Variants in MVB12B observed in about 807,000 individuals in gnomAD.
MVB12B encodes ESCRT-I complex subunit MVB12B.
In MVB12B, 16 loss-of-function variants were observed where a neutral mutation model predicts 41.6. The ratio of observed to expected loss-of-function variants is 0.38; its 90% CI spans 0.26 to 0.58. The LOEUF is 0.58. Among genes scored for constraint, MVB12B ranks in the 20% least tolerant of loss-of-function variants. The probability of loss-of-function intolerance (pLI) is 0.62; values close to 1 mark genes in which losing one functional copy is unlikely to be tolerated. For missense variants in MVB12B, 274 were observed against 380.2 expected, an observed-to-expected ratio of 0.72 and a Z score of 2.32; for synonymous variants, 133 against 139.7, an observed-to-expected ratio of 0.95 and a Z score of 0.34.
At position 126,459,054 on chromosome 9, in the gene MVB12B, G is replaced by A. The variant is rs1355786046; in HGVS notation, c.758-22315G>A. ...TAGATTCAGATGACCAAGGATCTCT[G>A]AGGGTTCCTTTCATCCTGCAAGTTT... On this transcript the variant is annotated intron_variant, in intron 7 of 9. Transcript: ENST00000361171. The surrounding 1 kb of genome is among the most constrained non-coding windows in gnomAD (Gnocchi z 4.3). 6.6e-6 allele frequency among the ~76,000 whole-genome samples: 1 copy of A among 152,216 alleles called. No homozygotes were observed. The highest frequency in any genetic ancestry group is 1.5e-5 in the Non-Finnish European group (1 of 68,036).
intron 9 of MVB12B, among the ~76,000 whole-genome samples, chr9:126,485,956 G>T (rs1833611813): frequency 6.6e-6 from 1 of 151,958 alleles, no homozygotes; most frequent in African/African-American, 2.4e-5. Flanking sequence ...GATGGAAATG[G>T]TAGAACCATT....
intron 7 of MVB12B, among the ~76,000 whole-genome samples, chr9:126,458,795 A>T (rs1833035781): frequency 1.3e-5 from 2 of 152,356 alleles, no homozygotes; most frequent in South Asian, 4.1e-4. Context: ...GGAAGCACAG[A>T]AAGGTTCAAG....
At chr9:126,384,788 C>T (rs1394625971) in intron 3 of MVB12B, among the ~76,000 whole-genome samples, 4 of 151,476 alleles carry the variant, frequency 2.6e-5, no homozygotes, top group Non-Finnish European at 5.9e-5. Context: ...CTGCCTCGGC[C>T]TCCCAAAGTG....
In MVB12B at chr9:126,360,823, T is replaced by TA. The variant is rs139220583; in HGVS notation, c.204+20195dup. The stretch of plus-strand genomic sequence containing the variant: ...GATTAATTGACCCCTTCATCATTAT[T>TA]AAGTGACCCTCTTTATCCCTGTTAA... On this transcript the variant is annotated intron_variant, in intron 2 of 9. Coordinates refer to ENST00000361171, the MANE Select transcript of MVB12B (RefSeq NM_033446.3). 4.6e-5 allele frequency among the ~76,000 whole-genome samples: 7 copies of TA among 152,352 alleles called. No individual in the cohort carries two copies. The East Asian group carries it at 1.3e-3, about 29-fold the overall frequency.
intron 7 of MVB12B, among the ~76,000 whole-genome samples, chr9:126,474,732 C>T (rs1029512400): frequency 1.6e-4 from 25 of 152,232 alleles, no homozygotes; most frequent in Admixed American, 1.6e-3. Flanking sequence ...CCATACTGGG[C>T]TCTGAGGGTG....
intron 7 of MVB12B, among the ~76,000 whole-genome samples, chr9:126,465,228 G>A (rs1833174481): frequency 6.6e-6 from 1 of 152,096 alleles, no homozygotes; most frequent in East Asian, 1.9e-4. Flanking sequence ...TAATACTTGG[G>A]GTGACTCAGC....
chr9:126,345,726 C>T (rs760475243), intron 2 of MVB12B, among the ~76,000 whole-genome samples: 1 of 152,242 alleles, frequency 6.6e-6, no homozygotes, highest in Non-Finnish European at 1.5e-5. Flanking sequence ...TTGAACGGCT[C>T]ACTTTCTCAC....
At chr9:126,452,318 C>T (rs1383396671) in intron 7 of MVB12B, among the ~76,000 whole-genome samples, 1 of 152,172 alleles carries the variant, frequency 6.6e-6, no homozygotes, top group Non-Finnish European at 1.5e-5. Context: ...GAATCTGGGA[C>T]ACAAAAGGTA....
chr9:126,492,780 G>A (rs57066680), intron 9 of MVB12B, among the ~76,000 whole-genome samples: 7 of 152,322 alleles, frequency 4.6e-5, no homozygotes, highest in African/African-American at 1.7e-4. Context: ...GGAAGTTGAG[G>A]CTGCAGTGAG....
intron 7 of MVB12B, among the ~76,000 whole-genome samples, chr9:126,451,898 G>A (rs976531618): frequency 9.9e-5 from 15 of 152,196 alleles, no homozygotes; most frequent in African/African-American, 2.2e-4. Context: ...GCTGTTTGCC[G>A]AGTCTCTGTG....
rs529740918 is a variant in MVB12B, at chr9:126,422,033, G to C, written c.757+85G>C. On this transcript the variant is annotated intron_variant, in intron 7 of 9. Transcript: ENST00000361171. ...TCCACACGTTCTCTGTCTTCTCGTG[G>C]GATCTGTCTGCCTTACCTCTCTTTT... is the stretch of plus-strand genomic sequence containing the variant. 1.5e-3 allele frequency: 1,365 copies of C among 934,548 alleles called. 3 individuals carry two copies. The highest frequency in any genetic ancestry group is 2.0e-3 in the Non-Finnish European group (1,154 of 576,378). 57.9% of individuals were successfully genotyped at this position (934,548 alleles called of 1,614,324 possible). A position where few individuals can be genotyped will look rare whatever the true frequency, so the allele number is the denominator to read the frequency against.
chr9:126,364,743 CTTTTG>C (rs1362620663), intron 2 of MVB12B, among the ~76,000 whole-genome samples: 3 of 152,062 alleles, frequency 2.0e-5, no homozygotes, highest in African/African-American at 7.2e-5. Context: ...CCTTCTTGTT[CTTTTG>C]TTTGTTTGTT....
intron 1 of MVB12B, among the ~76,000 whole-genome samples, chr9:126,331,518 T>G (rs1829130990): frequency 1.3e-5 from 2 of 152,236 alleles, no homozygotes; most frequent in African/African-American, 4.8e-5. Flanking sequence ...ACATATTAAC[T>G]CCTCATCAGA....
At chr9:126,438,312 T>C (rs1832542196) in intron 7 of MVB12B, among the ~76,000 whole-genome samples, 1 of 152,214 alleles carries the variant, frequency 6.6e-6, no homozygotes, top group Non-Finnish European at 1.5e-5. Context: ...GAGGTGTCAC[T>C]GGTTGACTTG....
Position 126,436,692 on chromosome 9 carries a change from A to G in MVB12B, c.757+14744A>G, listed in dbSNP as rs1179301894. 6.6e-6 allele frequency among the ~76,000 whole-genome samples: 1 copy of G among 152,226 alleles called. No homozygotes were observed. The highest frequency in any genetic ancestry group is 1.5e-5 in the Non-Finnish European group (1 of 68,044). ...TTCCTTAAATCCGTAGTGGCTCAGC[A>G]TATAGTCCTTTGTCTGGCAGTCCAG... On this transcript the variant is annotated intron_variant, in intron 7 of 9. Transcript: ENST00000361171. The surrounding 1 kb of genome is among the most constrained non-coding windows in gnomAD (Gnocchi z 4.1).
intron 7 of MVB12B, among the ~76,000 whole-genome samples, chr9:126,440,852 C>T (rs530213877): frequency 1.1e-4 from 16 of 152,314 alleles, no homozygotes; most frequent in Middle Eastern, 3.4e-3. Context: ...AGGCACAGCC[C>T]GTGCATGCAC....
chr9:126,457,821 C>A (rs946536989), intron 7 of MVB12B, among the ~76,000 whole-genome samples: 1 of 152,122 alleles, frequency 6.6e-6, no homozygotes, highest in Non-Finnish European at 1.5e-5. Flanking sequence ...GTTTTCTGAA[C>A]CTTAGGCACA....
chr9:126,433,958 T>C (rs16929009), intron 7 of MVB12B, among the ~76,000 whole-genome samples: 3,051 of 152,272 alleles, frequency 0.02, 85 homozygotes, highest in African/African-American at 0.068. Flanking sequence ...GTGCCAGAAC[T>C]TGGGGAGAAG....
chr9:126,400,874 G>A (rs538556391), intron 6 of MVB12B, among the ~76,000 whole-genome samples: 50 of 152,244 alleles, frequency 3.3e-4, no homozygotes, highest in Non-Finnish European at 5.4e-4. Flanking sequence ...ATGAGCTGAC[G>A]ATGGGTGGTA....
Sources: allele counts gnomAD v4.1 joint callset (sites outside exome capture counted in the v4.1 genomes callset), GRCh38; gene constraint gnomAD v4.1.1; non-coding constraint Gnocchi (gnomAD v3.1); transcripts MANE v1.5; gene names NCBI Gene and HGNC (gene_info 2026-07-23, HGNC 2026-07-21).